Variants in MLLT3 observed in about 807,000 individuals in gnomAD.
The protein encoded by MLLT3 is MLLT3 super elongation complex subunit, also known as protein AF-9.
MLLT3 carries 4 observed loss-of-function variants against 53.2 expected under a neutral mutation model. The ratio of observed to expected loss-of-function variants is 0.08; its 90% CI spans 0.04 to 0.17. MLLT3 has a LOEUF of 0.17. Among genes scored for constraint, MLLT3 ranks in the 10% least tolerant of loss-of-function variants. The probability of loss-of-function intolerance (pLI) is 1.00; values close to 1 mark genes in which losing one functional copy is unlikely to be tolerated. For missense variants in MLLT3, 569 were observed against 684.0 expected (o/e 0.83, Z 1.87); for synonymous variants, 283 against 230.6 (o/e 1.23, Z -2.06).
intron 2 of MLLT3, among the ~76,000 whole-genome samples, chr9:20,552,068 G>A (rs951025290): frequency 2.6e-5 from 4 of 152,086 alleles, no homozygotes; most frequent in South Asian, 2.1e-4. Context: ...TATTTCTCAC[G>A]GGTTTTGCTT....
intron 2 of MLLT3, among the ~76,000 whole-genome samples, chr9:20,618,026 G>A (rs757795976): frequency 7.9e-5 from 12 of 152,172 alleles, no homozygotes; most frequent in Non-Finnish European, 1.6e-4. Flanking sequence ...TGGCTGAGCA[G>A]TTCATCCTCA....
chr9:20,380,428 TA>T lies in MLLT3; in HGVS notation c.1126-14685del, dbSNP rs1338677609. ...CCTCAGAAACTCATTCAATTTCAAA[TA>T]TCTCAAGAATGATTTAAAGGCCTAA... On this transcript the variant is annotated intron_variant, in intron 5 of 10. Transcript: ENST00000380338. 2.6e-5 allele frequency: 4 copies of T among 152,128 alleles called. No homozygotes were observed. In the East Asian group the frequency reaches 7.7e-4, roughly 29 times the overall value. 9.4% of individuals were successfully genotyped at this position (152,128 alleles called of 1,614,324 possible).
At chr9:20,494,204 C>A (rs1042406263) in intron 2 of MLLT3, among the ~76,000 whole-genome samples, 1 of 152,068 alleles carries the variant, frequency 6.6e-6, no homozygotes, top group African/African-American at 2.4e-5. Context: ...CCTAGGAATT[C>A]TTTTATCAGC....
chr9:20,532,457 T>G (rs1818368124), intron 2 of MLLT3: 1 of 178,044 alleles, frequency 5.6e-6, no homozygotes, highest in African/African-American at 2.4e-5. Flanking sequence ...GTATATAATT[T>G]GAGCCTACAT....
At position 20,346,379 on chromosome 9, in the gene MLLT3, C is replaced by CAAAAAAAAAAAAAAACAAAAA. The variant is rs543672849; in HGVS notation, c.*63_*64insTTTTTGTTTTTTTTTTTTTTT. 3 of 850,156 alleles carry CAAAAAAAAAAAAAAACAAAAA rather than the reference C, an allele frequency of 3.5e-6. No homozygotes were observed. The highest frequency in any genetic ancestry group is 4.3e-5 in the East Asian group (1 of 23,464). 52.7% of individuals were successfully genotyped at this position (850,156 alleles called of 1,614,324 possible). A position where few individuals can be genotyped will look rare whatever the true frequency, so the allele number is the denominator to read the frequency against. On this transcript the variant is annotated 3_prime_UTR_variant, in exon 11 of 11. Coordinates refer to ENST00000380338, the MANE Select transcript of MLLT3 (RefSeq NM_004529.4). Reference sequence around the variant, plus strand: ...AACAACAAGAACAAAAAATCACAACCAAAAAAAAAAAAAACCAAAAAAAAA... The same window carrying CAAAAAAAAAAAAAAACAAAAA: ...AACAACAAGAACAAAAAATCACAACCAAAAAAAAAAAAAAACAAAAAAAAAAAAAAAAAAACCAAAAAAAAA...
chr9:20,416,675 C>G (rs999197033), intron 4 of MLLT3, among the ~76,000 whole-genome samples: 2 of 152,042 alleles, frequency 1.3e-5, no homozygotes, highest in African/African-American at 2.4e-5. Context: ...TCTACTGTTA[C>G]CTTTTTATCC....
chr9:20,529,961 T>C (rs1247915735), intron 2 of MLLT3, among the ~76,000 whole-genome samples: 1 of 152,136 alleles, frequency 6.6e-6, no homozygotes, highest in Non-Finnish European at 1.5e-5. Flanking sequence ...TGCACTTTTA[T>C]CTACTTACCT....
Position 20,493,039 on chromosome 9 carries a change from A to G in MLLT3, c.194-36253T>C, listed in dbSNP as rs562428123. ...ACCCGTTTCCATTTTTTTTTCTACT[A>G]TAGGTATTATTCCCATTTCCAATTT... On this transcript the variant is annotated intron_variant, in intron 2 of 10. Transcript: ENST00000380338. 3.6e-4 allele frequency among the ~76,000 whole-genome samples: 54 copies of G among 151,822 alleles called. 2 individuals are homozygous for G. In the South Asian group the frequency reaches 0.011, roughly 31 times the overall value.
chr9:20,465,246 A>G (rs986910629), intron 2 of MLLT3, among the ~76,000 whole-genome samples: 10 of 152,142 alleles, frequency 6.6e-5, no homozygotes, highest in Non-Finnish European at 1.0e-4. Context: ...GAAAAGTACA[A>G]AAAGAGATAA....
At chr9:20,475,075 CTGAA>C (rs965515075) in intron 2 of MLLT3, among the ~76,000 whole-genome samples, 1 of 151,966 alleles carries the variant, frequency 6.6e-6, no homozygotes, top group African/African-American at 2.4e-5. Flanking sequence ...GGGGTGGGAA[CTGAA>C]TGAATGAATG....
Position 20,414,222 on chromosome 9 carries a change from A to G in MLLT3, c.624T>C (p.Ser208=), listed in dbSNP as rs1335458957. Residue 208 remains serine, a synonymous_variant, in exon 5 of 11, where the codon TCT becomes TCC. Coordinates refer to ENST00000380338, the MANE Select transcript of MLLT3 (RefSeq NM_004529.4). ...CACTTTTATGTTCTCTGGAGTCTTT[A>G]GAAGGTTTTTCCTTGTGCTCCTTCA... The part of the protein sequence containing the change: ...KLMKEHKEKP[S]KDSREHKSAF... The G allele has an allele frequency of 1.2e-6, 2 of 1,614,000 alleles. No homozygotes were observed. Among genetic ancestry groups the G allele is most frequent in the African/African-American group, 1.3e-5 (1 of 74,926 alleles).
At chr9:20,351,971 G>A (rs1283159145) in intron 10 of MLLT3, among the ~76,000 whole-genome samples, 1 of 152,194 alleles carries the variant, frequency 6.6e-6, no homozygotes, top group South Asian at 2.1e-4. Flanking sequence ...GAAATGCTGT[G>A]TGCCCTGGAG....
chr9:20,441,221 C>T (rs1393403601), intron 4 of MLLT3, among the ~76,000 whole-genome samples: 2 of 152,046 alleles, frequency 1.3e-5, no homozygotes, highest in Non-Finnish European at 1.5e-5. Flanking sequence ...AATGAAGACA[C>T]GAAAGTTGTT....
chr9:20,591,822 A>G (rs1022953571), intron 2 of MLLT3, among the ~76,000 whole-genome samples: 3 of 152,182 alleles, frequency 2.0e-5, no homozygotes, highest in African/African-American at 7.2e-5. Context: ...AAAAACAGAA[A>G]ATTAATTCCC....
chr9:20,519,765 C>T (rs887169476), intron 2 of MLLT3, among the ~76,000 whole-genome samples: 3 of 152,110 alleles, frequency 2.0e-5, no homozygotes, highest in Non-Finnish European at 2.9e-5. Context: ...TAAATTAGTT[C>T]AACCATTGTG....
chr9:20,622,157 G>A, intron 1 of MLLT3, 88 bp downstream of exon 1: 9 of 1,409,718 alleles, frequency 6.4e-6, no homozygotes, highest in Non-Finnish European at 8.9e-6. Flanking sequence ...TGGAACCGCG[G>A]AGCGCTGGCG....
At chr9:20,486,982 A>C (rs1824829909) in intron 2 of MLLT3, among the ~76,000 whole-genome samples, 3 of 152,284 alleles carry the variant, frequency 2.0e-5, no homozygotes, top group South Asian at 4.1e-4. Context: ...TAACTTCAGA[A>C]ATGTTATAGG....
chr9:20,539,214 C>G (rs1032753182), intron 2 of MLLT3, among the ~76,000 whole-genome samples: 1 of 152,126 alleles, frequency 6.6e-6, no homozygotes, highest in Non-Finnish European at 1.5e-5. Context: ...AGCATTTTAC[C>G]CACAGTTGAA....
intron 2 of MLLT3, among the ~76,000 whole-genome samples, chr9:20,475,690 C>T (rs1408321404): frequency 6.6e-6 from 1 of 152,068 alleles, no homozygotes; most frequent in Non-Finnish European, 1.5e-5. Context: ...TCCTCATTCT[C>T]ACATTGGTTT....
Sources: allele counts gnomAD v4.1 joint callset (sites outside exome capture counted in the v4.1 genomes callset), GRCh38; gene constraint gnomAD v4.1.1; transcripts MANE v1.5; gene names NCBI Gene and HGNC (gene_info 2026-07-23, HGNC 2026-07-21).